FOXO3: variants seen among roughly 807,000 people sequenced by gnomAD.
FOXO3 encodes the protein forkhead box protein O3.
FOXO3 carries 4 observed loss-of-function variants against 41.9 expected under a neutral mutation model. That is an observed-to-expected ratio of 0.10 (90% confidence interval 0.05 to 0.22). The LOEUF is 0.22. Ranked by LOEUF, FOXO3 falls within the 10% of genes least tolerant of loss-of-function variation. The pLI is 1.00. For synonymous variants in FOXO3, 318 were observed against 389.3 expected, an observed-to-expected ratio of 0.82 and a Z score of 2.16; for missense variants, 534 against 906.8, an observed-to-expected ratio of 0.59 and a Z score of 5.28.
At chr6:108,617,419 T>G (rs1434392496) in intron 1 of FOXO3, among the ~76,000 whole-genome samples, 1 of 152,244 alleles carries the variant, frequency 6.6e-6, no homozygotes, top group African/African-American at 2.4e-5. Flanking sequence ...AACAAGAAGT[T>G]TATTTAAACA....
chr6:108,560,323 G>C (rs1162762327), upstream of FOXO3, among the ~76,000 whole-genome samples: 1 of 152,188 alleles, frequency 6.6e-6, no homozygotes, highest in Non-Finnish European at 1.5e-5. Flanking sequence ...GGAAGGGGGC[G>C]GAGGGGACGA....
chr6:108,633,549 T>A, intron 1 of FOXO3, among the ~76,000 whole-genome samples: 1 of 152,132 alleles, frequency 6.6e-6, no homozygotes, highest in African/African-American at 2.4e-5. Context: ...GACAAAAAAT[T>A]GTTAGGGAGC....
At chr6:108,672,541 G>A (rs1273746430) in intron 2 of FOXO3, among the ~76,000 whole-genome samples, 3 of 152,114 alleles carry the variant, frequency 2.0e-5, no homozygotes, top group African/African-American at 7.2e-5. Flanking sequence ...TTTTAGGTCG[G>A]CTTTGTTTTT....
chr6:108,643,221 TTA>T (rs1286511257), intron 1 of FOXO3, among the ~76,000 whole-genome samples: 1 of 152,124 alleles, frequency 6.6e-6, no homozygotes, highest in Non-Finnish European at 1.5e-5. Context: ...ATTTTCATTT[TTA>T]GTTCATTCTT....
intron 1 of FOXO3, among the ~76,000 whole-genome samples, chr6:108,567,350 A>G (rs1045751689): frequency 2.0e-5 from 3 of 152,106 alleles, no homozygotes; most frequent in Non-Finnish European, 4.4e-5. Context: ...TCCAAGCTCC[A>G]CCTGGATTAG....
intron 1 of FOXO3, among the ~76,000 whole-genome samples, chr6:108,651,887 ATTT>A (rs762947721): frequency 1.3e-5 from 2 of 152,216 alleles, no homozygotes; most frequent in African/African-American, 4.8e-5. Context: ...AAGGCATCAT[ATTT>A]TAAGATTCAC....
intron 2 of FOXO3, among the ~76,000 whole-genome samples, chr6:108,676,232 G>A (rs9374040): frequency 0.54 from 82,738 of 152,132 alleles, 26,498 homozygotes; most frequent in East Asian, 0.71. Context: ...TGATGGGACA[G>A]AACAGCATCT....
Position 108,603,625 on chromosome 6 carries a change from G to A in FOXO3, c.621+41796G>A, listed in dbSNP as rs1777114042. Among the ~76,000 whole-genome samples the A allele has an allele frequency of 2.0e-5, 3 of 152,204 alleles. No individual in the cohort carries two copies. In the East Asian group the frequency reaches 5.8e-4, roughly 29 times the overall value. On this transcript the variant is annotated intron_variant, in intron 1 of 2. Transcript: ENST00000406360. ...TGAAGAACAAGTTGAGGATCTCCAGGTATTAAATATAACCTGATTTCCAGA... is the reference window on the plus strand; with the variant it reads ...TGAAGAACAAGTTGAGGATCTCCAGATATTAAATATAACCTGATTTCCAGA...
intron 1 of FOXO3, among the ~76,000 whole-genome samples, chr6:108,563,399 C>T (rs1420327570): frequency 1.3e-5 from 2 of 152,082 alleles, no homozygotes; most frequent in East Asian, 1.9e-4. Context: ...GTGTATGATA[C>T]GAGAGTTCTT....
intron 1 of FOXO3, among the ~76,000 whole-genome samples, chr6:108,638,341 G>T (rs1405985390): frequency 2.0e-5 from 3 of 152,194 alleles, no homozygotes; most frequent in Admixed American, 2.0e-4. Flanking sequence ...GATTTCATTT[G>T]GGAAGAGGAT....
intron 1 of FOXO3, among the ~76,000 whole-genome samples, chr6:108,602,764 T>C (rs1001082487): frequency 1.3e-5 from 2 of 152,150 alleles, no homozygotes; most frequent in Non-Finnish European, 2.9e-5. Context: ...ATTGTGTACA[T>C]GTGTCTTTCT....
chr6:108,581,197 T>G (rs529317739), intron 1 of FOXO3, among the ~76,000 whole-genome samples: 30 of 152,286 alleles, frequency 2.0e-4, no homozygotes, highest in African/African-American at 7.2e-4. Context: ...ACAGTTTAAA[T>G]TAGGCCCAGG....
intron 1 of FOXO3, among the ~76,000 whole-genome samples, chr6:108,617,573 A>G (rs1174499884): frequency 6.6e-6 from 1 of 152,250 alleles, no homozygotes; most frequent in Non-Finnish European, 1.5e-5. Flanking sequence ...ACAGTGATCA[A>G]TTAAAAACAT....
At chr6:108,608,003 G>A (rs904178604) in intron 1 of FOXO3, among the ~76,000 whole-genome samples, 1 of 152,104 alleles carries the variant, frequency 6.6e-6, no homozygotes, top group African/African-American at 2.4e-5. Context: ...GGGAGTTGGT[G>A]GCAGGTCTAA....
At chr6:108,618,654 T>C (rs975163424) in intron 1 of FOXO3, among the ~76,000 whole-genome samples, 1 of 152,250 alleles carries the variant, frequency 6.6e-6, no homozygotes, top group African/African-American at 2.4e-5. Flanking sequence ...TATTTTTGTT[T>C]TTGTTGCTGG....
chr6:108,648,723 A>G (rs1351362841), intron 1 of FOXO3, among the ~76,000 whole-genome samples: 3 of 152,152 alleles, frequency 2.0e-5, no homozygotes, highest in Admixed American at 6.5e-5. Flanking sequence ...GGCCAGGCAC[A>G]GTGGCTCACA....
At chr6:108,578,961 A>C (rs1776336266) in intron 1 of FOXO3, among the ~76,000 whole-genome samples, 1 of 152,054 alleles carries the variant, frequency 6.6e-6, no homozygotes, top group Non-Finnish European at 1.5e-5. Context: ...GTATCATTGG[A>C]CTCTGTAGTC....
chr6:108,607,268 A>G (rs1366982883), intron 1 of FOXO3, among the ~76,000 whole-genome samples: 1 of 152,140 alleles, frequency 6.6e-6, no homozygotes, highest in Admixed American at 6.5e-5. Flanking sequence ...CCTGGGCAAC[A>G]TGGCAAAGCC....
intron 1 of FOXO3, among the ~76,000 whole-genome samples, chr6:108,619,271 T>G (rs530620728): frequency 6.6e-6 from 1 of 152,324 alleles, no homozygotes; most frequent in South Asian, 2.1e-4. Context: ...GTGGCATTCT[T>G]TACTTTCTAA....
Sources: allele counts gnomAD v4.1 joint callset (sites outside exome capture counted in the v4.1 genomes callset), GRCh38; gene constraint gnomAD v4.1.1; transcripts MANE v1.5; gene names NCBI Gene and HGNC (gene_info 2026-07-23, HGNC 2026-07-21).